LPXN: variants seen among roughly 807,000 people sequenced by gnomAD.
The protein encoded by LPXN is leupaxin.
Under a neutral mutation model 45.6 loss-of-function variants are expected in LPXN, and 28 were observed. That is an observed-to-expected ratio of 0.61 (90% CI 0.45 to 0.84). LPXN has a LOEUF of 0.84. LPXN is among the 40% of genes least tolerant of loss of function. The probability of loss-of-function intolerance (pLI) is 0.00; values close to 1 mark genes in which losing one functional copy is unlikely to be tolerated. For missense variants in LPXN, 459 were observed against 475.0 expected (o/e 0.97, Z 0.31); for synonymous variants, 166 against 169.9 (o/e 0.98, Z 0.18).
At chr11:58,575,705 A>C in intron 1 of LPXN, 55 bp downstream of exon 1, 4 of 1,597,168 alleles carry the variant, frequency 2.5e-6, no homozygotes, top group African/African-American at 1.3e-5. Context: ...CCACACAAGG[A>C]GATGGCAGCC....
At chr11:58,529,985 A>C (rs1853339208) in intron 7 of LPXN, among the ~76,000 whole-genome samples, 1 of 152,200 alleles carries the variant, frequency 6.6e-6, no homozygotes. Context: ...CTGTGCCGTG[A>C]GGAACAGTGC....
At chr11:58,545,026 G>C (rs2120283772) in intron 7 of LPXN, among the ~76,000 whole-genome samples, 1 of 152,248 alleles carries the variant, frequency 6.6e-6, no homozygotes, top group African/African-American at 2.4e-5. Context: ...GAGGCAGGAT[G>C]ACACCTAATT....
rs370865981 is a variant in LPXN, at chr11:58,575,821, T to C, written c.-49A>G. On this transcript the variant is annotated 5_prime_UTR_variant, in exon 1 of 9. Coordinates refer to ENST00000395074, the MANE Select transcript of LPXN (RefSeq NM_004811.3). ...GTCTCACAGGCCGTGAGGAACAGCTTTGGCATGTGCTGAAGAAGAGGACCG... is the reference window on the plus strand; with the variant it reads ...GTCTCACAGGCCGTGAGGAACAGCTCTGGCATGTGCTGAAGAAGAGGACCG... The C allele has an allele frequency of 4.3e-6, 7 of 1,614,088 alleles. No homozygotes were observed. In the African/African-American group the frequency reaches 6.7e-5, roughly 15 times the overall value.
chr11:58,574,474 T>C (rs1486500180), intron 1 of LPXN, among the ~76,000 whole-genome samples: 1 of 152,196 alleles, frequency 6.6e-6, no homozygotes, highest in Admixed American at 6.5e-5. Flanking sequence ...GATTAACATA[T>C]GTAAAAATGT....
At position 58,550,042 on chromosome 11, in the gene LPXN, G is replaced by C. The variant is rs1288933010; in HGVS notation, c.591C>G (p.Ala197=). The part of the protein sequence containing the change: ...SSPFFERSGL[A]YCPNDYHQLF... ...GTTGGTGGTAGTCGTTGGGGCAGTA[G>C]GCCAAGCCACTCCGCTCAAAGAAGG... Residue 197 remains alanine (A), a synonymous_variant, in exon 6 of 9, where the codon GCC becomes GCG. Coordinates refer to ENST00000395074, the MANE Select transcript of LPXN (RefSeq NM_004811.3). 2 of 1,614,212 alleles carry C rather than the reference G, an allele frequency of 1.2e-6. No individual in the cohort carries two copies. The highest frequency in any genetic ancestry group is 2.7e-5 in the African/African-American group (2 of 75,054).
At chr11:58,540,034 A>T (rs1437686994) in intron 7 of LPXN, among the ~76,000 whole-genome samples, 1 of 152,162 alleles carries the variant, frequency 6.6e-6, no homozygotes, top group Non-Finnish European at 1.5e-5. Flanking sequence ...ATGTGATTCA[A>T]CAAGAAGTAT....
rs1353753747 is a variant in LPXN at position 58,551,179 on chromosome 11, G to A, written c.372C>T (p.His124=). ...CAAGCATTGAGTCCAGGGAGGCCTT[G>A]TGATCCTGCTTGTCTGGTAAGTGCT... ...GKKHLPDKQD[H]KASLDSMLGG... is the part of the protein sequence containing the mutation. The change falls in exon 5 of 9, where the codon CAC becomes CAT. Residue 124 remains histidine, a synonymous_variant. Transcript: ENST00000395074. 1.9e-6 allele frequency: 3 copies of A among 1,611,820 alleles called. No homozygotes were observed. Among genetic ancestry groups the A allele is most frequent in the African/African-American group, 1.3e-5 (1 of 74,812 alleles).
chr11:58,527,537 T>A lies in LPXN; in HGVS notation c.1078A>T (p.Thr360Ser), dbSNP rs554231967. ...PEHFVCAFCL[T>S]QLSKGIFREQ... ...CTGAAAATGCCCTTCGACAACTGTG[T>A]CAGGCAGAAAGCACACACAAAGTGC... The change falls in exon 9 of 9, where the codon ACA becomes TCA. Residue 360 changes from threonine (T) to serine (S), a missense_variant. Thr to Ser is a moderately conservative substitution (Grantham distance 58, BLOSUM62 1). Transcript: ENST00000395074. 13 of 1,614,172 alleles carry A rather than the reference T, an allele frequency of 8.1e-6. No individual in the cohort carries two copies. In the South Asian group the frequency reaches 1.2e-4, roughly 15 times the overall value.
At chr11:58,578,247 A>G, upstream of LPXN, 1 of 585,080 alleles carries the variant, frequency 1.7e-6, no homozygotes, top group Non-Finnish European at 2.9e-6. Flanking sequence ...CCTAACCCGG[A>G]AACACTGCCT....
chr11:58,554,367 C>G (rs955371875), intron 4 of LPXN, among the ~76,000 whole-genome samples: 1 of 151,994 alleles, frequency 6.6e-6, no homozygotes, highest in Non-Finnish European at 1.5e-5. Context: ...CATCATCAAG[C>G]CTTAGATACC....
At chr11:58,556,680 A>G (rs984169204) in intron 3 of LPXN, among the ~76,000 whole-genome samples, 7 of 152,152 alleles carry the variant, frequency 4.6e-5, no homozygotes, top group African/African-American at 1.7e-4. Context: ...GATTAGATAC[A>G]AGAATGAAAT....
chr11:58,575,950 T>C (rs1854876240), upstream of LPXN: 1 of 1,444,192 alleles, frequency 6.9e-7, no homozygotes, highest in South Asian at 1.5e-5. Flanking sequence ...CTTTTTTTTT[T>C]TTTTCATAGG....
At chr11:58,535,593 C>T (rs1389481735) in intron 7 of LPXN, among the ~76,000 whole-genome samples, 2 of 152,148 alleles carry the variant, frequency 1.3e-5, no homozygotes, top group African/African-American at 4.8e-5. Flanking sequence ...GGAAGCATTC[C>T]CTTTGAAAAC....
Position 58,527,300 on chromosome 11 carries a change from A to G in LPXN, c.*154T>C, listed in dbSNP as rs1419922082. The G allele has an allele frequency of 1.5e-5, 10 of 679,730 alleles. No homozygotes were observed. Among genetic ancestry groups the G allele is most frequent in the Non-Finnish European group, 2.5e-5 (10 of 403,450 alleles). The allele number at this position is 679,730 out of a possible 1,614,324, so 42.1% of individuals were successfully genotyped here. ...AAAAAATAAGATTATCAGCCTAGTCATGTAAAGTCTAGAAGTTCCTTTATT... is the reference window on the plus strand; with the variant it reads ...AAAAAATAAGATTATCAGCCTAGTCGTGTAAAGTCTAGAAGTTCCTTTATT... On this transcript the variant is annotated 3_prime_UTR_variant, in exon 9 of 9. Transcript: ENST00000395074.
At chr11:58,571,250 G>A (rs554512593) in intron 1 of LPXN, among the ~76,000 whole-genome samples, 13 of 152,108 alleles carry the variant, frequency 8.5e-5, no homozygotes, top group African/African-American at 3.1e-4. Context: ...TGAGGTGGGA[G>A]GATCACCTGA....
rs1177164921 is a variant in LPXN at position 58,527,334 on chromosome 11, ACCTTT to A, written c.*115_*119del. ...CTAGAAGTTCCTTTATTTGCTCATC[ACCTTT>A]CCTTTTTCTATAAGACTATTAAGCA... On this transcript the variant is annotated 3_prime_UTR_variant, in exon 9 of 9. Coordinates refer to ENST00000395074, the MANE Select transcript of LPXN (RefSeq NM_004811.3). 8.0e-6 allele frequency: 8 copies of A among 1,005,042 alleles called. No homozygotes were observed. In the African/African-American group the frequency reaches 1.3e-4, roughly 16 times the overall value. 62.3% of individuals were successfully genotyped at this position (1,005,042 alleles called of 1,614,324 possible). A position where few individuals can be genotyped will look rare whatever the true frequency, so the allele number is the denominator to read the frequency against.
At chr11:58,534,132 A>G (rs1853478486) in intron 7 of LPXN, among the ~76,000 whole-genome samples, 1 of 152,186 alleles carries the variant, frequency 6.6e-6, no homozygotes, top group Non-Finnish European at 1.5e-5. Flanking sequence ...GAAAATTAAC[A>G]AGGATATTCA....
chr11:58,560,425 T>A (rs773883975), intron 3 of LPXN, among the ~76,000 whole-genome samples: 20 of 152,214 alleles, frequency 1.3e-4, no homozygotes, highest in Non-Finnish European at 2.4e-4. Flanking sequence ...AGAAAAAATT[T>A]TAAACACATA....
rs112244769 is a variant in LPXN, at chr11:58,543,251, T to A, written c.742+6535A>T. Among the ~76,000 whole-genome samples the A allele has an allele frequency of 1.5e-3, 224 of 152,248 alleles. 3 individuals are homozygous for A. The highest frequency in any genetic ancestry group is 5.4e-3 in the South Asian group (26 of 4,826). ...AGTACTTTGAATAATGCTTGACACA[T>A]ATATAGTAGTTGCTCAATAAATATC... On this transcript the variant is annotated intron_variant, in intron 7 of 8. Transcript: ENST00000395074.
Sources: allele counts gnomAD v4.1 joint callset (sites outside exome capture counted in the v4.1 genomes callset), GRCh38; gene constraint gnomAD v4.1.1; transcripts MANE v1.5; gene names NCBI Gene and HGNC (gene_info 2026-07-23, HGNC 2026-07-21).